PIEZO2: variants seen among roughly 807,000 people sequenced by gnomAD.
The protein encoded by PIEZO2 is piezo type mechanosensitive ion channel component 2, also known as piezo-type mechanosensitive ion channel component 2.
Under a neutral mutation model 337.3 loss-of-function variants are expected in PIEZO2, and 172 were observed. The ratio of observed to expected loss-of-function variants is 0.51; its 90% CI spans 0.45 to 0.58. The LOEUF (loss-of-function observed/expected upper bound fraction) is 0.58. PIEZO2 is among the 20% of genes least tolerant of loss of function. The probability of loss-of-function intolerance (pLI) is 0.00; values close to 1 mark genes in which losing one functional copy is unlikely to be tolerated. For synonymous variants in PIEZO2, 1,251 were observed against 1,228.5 expected (o/e 1.02, Z -0.38); for missense variants, 3,028 against 3,391.3 (o/e 0.89, Z 2.66).
In PIEZO2 at chr18:10,750,333, C is replaced by T. The variant is rs1025281543; in HGVS notation, c.4168-146G>A. On this transcript the variant is annotated intron_variant, in intron 28 of 55. Coordinates refer to ENST00000674853, the MANE Select transcript of PIEZO2 (RefSeq NM_001378183.1). The surrounding 1 kb of genome is among the most constrained non-coding windows in gnomAD (Gnocchi z 4.1). ...CCAATTGTACCTAAAAATTCAGTCA[C>T]CTTGTGGTAGTGCTTCAGGAGCAAT... is the stretch of plus-strand genomic sequence containing the variant. The T allele has an allele frequency of 2.9e-5, 18 of 623,574 alleles. No homozygotes were observed. The South Asian group carries it at 3.2e-4, about 11-fold the overall frequency. The allele number at this position is 623,574 out of a possible 1,614,324, so 38.6% of individuals were successfully genotyped here. A position where few individuals can be genotyped will look rare whatever the true frequency, so the allele number is the denominator to read the frequency against.
intron 3 of PIEZO2, among the ~76,000 whole-genome samples, chr18:10,978,209 A>C (rs1016911482): frequency 6.6e-6 from 1 of 152,044 alleles, no homozygotes; most frequent in Non-Finnish European, 1.5e-5. Context: ...GGTGGCAGGC[A>C]CCTGTAGTCC....
Position 10,705,685 on chromosome 18 carries a change from C to A in PIEZO2, c.5650G>T (p.Val1884Leu). Residue 1884 changes from valine to leucine, a missense_variant, in exon 41 of 56, where the codon GTG becomes TTG. Around this residue, in one of 5 missense-constraint regions of PIEZO2, gnomAD observed 1,925 missense variants for 2,051.9 expected, o/e 0.94. Coordinates refer to ENST00000674853, the MANE Select transcript of PIEZO2 (RefSeq NM_001378183.1). ...RQGTTETIEE[V>L]EAEQEEEAGS... ...GCCTCCTCCTCCTGCTCAGCCTCCA[C>A]CTCCTCGATGGTCTCAGTGGTCCCC... 6.5e-7 allele frequency: 1 copy of A among 1,536,962 alleles called. No homozygotes were observed. The highest frequency in any genetic ancestry group is 8.7e-7 in the Non-Finnish European group (1 of 1,146,896).
At position 10,675,287 on chromosome 18, in the gene PIEZO2, T is replaced by C; in HGVS notation, c.8083A>G (p.Thr2695Ala). Reference protein sequence around the residue: ...NSTESSKTPVTIEKIYPYYVK... With the variant: ...NSTESSKTPVAIEKIYPYYVK... Reference sequence around the variant, plus strand: ...TAATATGGATAAATCTTTTCTATGGTCCTGTACATTAAGAAAAAAAAGATA... The same window carrying C: ...TAATATGGATAAATCTTTTCTATGGCCCTGTACATTAAGAAAAAAAAGATA... Residue 2695 changes from threonine (T) to alanine (A), a missense_variant and splice_region_variant, in exon 54 of 56, where the codon ACC becomes GCC. Coordinates refer to ENST00000674853, the MANE Select transcript of PIEZO2 (RefSeq NM_001378183.1). 1.4e-6 allele frequency: 2 copies of C among 1,464,952 alleles called. No homozygotes were observed. Among genetic ancestry groups the C allele is most frequent in the Non-Finnish European group, 1.8e-6 (2 of 1,089,574 alleles). 90.7% of individuals were successfully genotyped at this position (1,464,952 alleles called of 1,614,324 possible). A position where few individuals can be genotyped will look rare whatever the true frequency, so the allele number is the denominator to read the frequency against.
chr18:11,057,323 G>A (rs2037767728), intron 2 of PIEZO2, among the ~76,000 whole-genome samples: 1 of 152,178 alleles, frequency 6.6e-6, no homozygotes, highest in Non-Finnish European at 1.5e-5. Context: ...AAAGCTTAGA[G>A]TGATTCCTGA....
chr18:10,684,002 A>G (rs1316631490), intron 49 of PIEZO2, among the ~76,000 whole-genome samples: 1 of 150,242 alleles, frequency 6.7e-6, no homozygotes, highest in Non-Finnish European at 1.5e-5. Context: ...TACGCAGCCA[A>G]TTTTCCCCTC....
chr18:10,744,334 A>G, intron 30 of PIEZO2, 103 bp from the exon 31 acceptor site: 1 of 731,970 alleles, frequency 1.4e-6, no homozygotes, highest in East Asian at 2.8e-5. Context: ...ACATCTCTTA[A>G]TGGCAGCTGC....
At chr18:10,732,201 C>T (rs1223803628) in intron 35 of PIEZO2, among the ~76,000 whole-genome samples, 1 of 151,948 alleles carries the variant, frequency 6.6e-6, no homozygotes, top group South Asian at 2.1e-4. Flanking sequence ...TGTGAAGAGC[C>T]CCCATACCAA....
intron 4 of PIEZO2, among the ~76,000 whole-genome samples, chr18:10,907,342 C>A (rs1237256939): frequency 1.3e-5 from 2 of 151,776 alleles, no homozygotes; most frequent in African/African-American, 4.8e-5. Flanking sequence ...ACTTGATAGG[C>A]TGAGGCAGGA....
At chr18:10,849,166 C>T (rs995614079) in intron 7 of PIEZO2, among the ~76,000 whole-genome samples, 5 of 151,894 alleles carry the variant, frequency 3.3e-5, no homozygotes, top group African/African-American at 1.2e-4. Context: ...GTGTGTGGCA[C>T]CACGCCCAGC....
chr18:11,145,326 T>C (rs2040782235), intron 1 of PIEZO2, among the ~76,000 whole-genome samples: 1 of 151,008 alleles, frequency 6.6e-6, no homozygotes, highest in Non-Finnish European at 1.5e-5. Context: ...AGTTCACTTA[T>C]CACTTCTCTT....
intron 2 of PIEZO2, among the ~76,000 whole-genome samples, chr18:11,023,761 A>G (rs933138837): frequency 2.0e-4 from 31 of 152,172 alleles, no homozygotes; most frequent in Non-Finnish European, 4.1e-4. Context: ...AGGCTCAGGC[A>G]TGGTGGGCTG....
At chr18:11,011,591 C>T (rs1271053194) in intron 2 of PIEZO2, among the ~76,000 whole-genome samples, 2 of 152,018 alleles carry the variant, frequency 1.3e-5, no homozygotes, top group South Asian at 2.1e-4. Context: ...GAGTAGAATC[C>T]TATTTTAAAT....
rs1411143036 is a variant in PIEZO2 at position 10,942,082 on chromosome 18, T to G, written c.287-30854A>C. Among the ~76,000 whole-genome samples the G allele has an allele frequency of 6.6e-6, 1 of 152,236 alleles. No individual in the cohort carries two copies. The highest frequency in any genetic ancestry group is 1.5e-5 in the Non-Finnish European group (1 of 68,042). ...CTTTCGGCCACGATCGTGAGGCCTC[T>G]CCAGCCATGTGGAACTGTAAGTCCA... On this transcript the variant is annotated intron_variant, in intron 3 of 55. Transcript: ENST00000674853. The surrounding 1 kb of genome is among the most constrained non-coding windows in gnomAD (Gnocchi z 4.4).
At chr18:11,071,586 A>T (rs1200353710) in intron 1 of PIEZO2, among the ~76,000 whole-genome samples, 2 of 152,216 alleles carry the variant, frequency 1.3e-5, no homozygotes, top group Non-Finnish European at 2.9e-5. Context: ...GTCCACAAGA[A>T]GTCCAGCCAG....
At chr18:10,867,528 C>T (rs1318652051) in intron 5 of PIEZO2, among the ~76,000 whole-genome samples, 1 of 152,116 alleles carries the variant, frequency 6.6e-6, no homozygotes, top group East Asian at 1.9e-4. Context: ...TTCTTTTTAT[C>T]CTTCATATTT....
At position 10,882,595 on chromosome 18, in the gene PIEZO2, AT is replaced by A. The variant is rs770918294; in HGVS notation, c.330-11181del. ...TTATGCAAAGGTTTTCATTTAAAAC[AT>A]TTTTTCCCATCATCTCCTCCTTCTC... On this transcript the variant is annotated intron_variant, in intron 4 of 55. Coordinates refer to ENST00000674853, the MANE Select transcript of PIEZO2 (RefSeq NM_001378183.1). Among the ~76,000 whole-genome samples the A allele has an allele frequency of 2.0e-5, 3 of 152,158 alleles. No individual in the cohort carries two copies. In the South Asian group the frequency reaches 6.2e-4, roughly 32 times the overall value.
At chr18:10,964,160 C>CATTAATTAAAGTGATTA (rs1295476951) in intron 3 of PIEZO2, among the ~76,000 whole-genome samples, 53 of 152,254 alleles carry the variant, frequency 3.5e-4, no homozygotes, top group Admixed American at 1.8e-3. Flanking sequence ...ATAATTTCCA[C>CATTAATTAAAGTGATTA]ATTAATTAAA....
chr18:11,057,402 T>C (rs1486451815), intron 2 of PIEZO2, among the ~76,000 whole-genome samples: 2 of 152,220 alleles, frequency 1.3e-5, no homozygotes, highest in African/African-American at 4.8e-5. Context: ...AATCAAGAAC[T>C]CTAAAAGCCC....
chr18:10,890,036 C>A (rs2042711687), intron 4 of PIEZO2, among the ~76,000 whole-genome samples: 1 of 152,184 alleles, frequency 6.6e-6, no homozygotes, highest in African/African-American at 2.4e-5. Flanking sequence ...ATTCTTTATC[C>A]CATAACAGAG....
Sources: gnomAD v4.1 joint callset for allele counts (sites outside exome capture counted in the v4.1 genomes callset) on GRCh38, gnomAD v4.1.1 for gene constraint, gnomAD v4.1.1 regional missense constraint, Gnocchi (gnomAD v3.1) non-coding constraint, MANE v1.5 for transcripts, NCBI Gene and HGNC (gene_info 2026-07-23, HGNC 2026-07-21) for gene names.